ALS2: variants seen among roughly 807,000 people sequenced by gnomAD.
The protein encoded by ALS2 is alsin.
ALS2 carries 117 observed loss-of-function variants against 203.4 expected under a neutral mutation model. The observed-to-expected ratio is 0.58, with a 90% CI of 0.50 to 0.67. The LOEUF is 0.67. Among genes scored for constraint, ALS2 ranks in the 30% least tolerant of loss-of-function variants. The pLI is 0.00. For synonymous variants in ALS2, 718 were observed against 725.9 expected, an observed-to-expected ratio of 0.99 and a Z score of 0.17; for missense variants, 1,715 against 1,989.4, an observed-to-expected ratio of 0.86 and a Z score of 2.62.
At position 201,739,153 on chromosome 2, in the gene ALS2, C is replaced by T. The variant is rs940312480; in HGVS notation, c.2352-418G>A. Among the ~76,000 whole-genome samples the T allele has an allele frequency of 8.7e-5, 13 of 149,226 alleles. 1 individual carries two copies. Among genetic ancestry groups the T allele is most frequent in the African/African-American group, 3.2e-4 (13 of 40,168 alleles). ...ACTTGGGAGGCTGAGGTGGGAGGATCCCTTGAGCCTGGGAGGTTGAGGCTG... is the reference window on the plus strand; with the variant it reads ...ACTTGGGAGGCTGAGGTGGGAGGATTCCTTGAGCCTGGGAGGTTGAGGCTG... On this transcript the variant is annotated intron_variant, in intron 11 of 33. Transcript: ENST00000264276.
At chr2:201,718,257 C>T (rs1690535825) in intron 23 of ALS2, 47 bp from the exon 24 acceptor site, 7 of 1,576,202 alleles carry the variant, frequency 4.4e-6, no homozygotes, top group Non-Finnish European at 6.1e-6. Flanking sequence ...GAAATATATT[C>T]AATATTCATT....
chr2:201,724,968 C>A (rs370578904), intron 20 of ALS2, among the ~76,000 whole-genome samples: 11 of 152,048 alleles, frequency 7.2e-5, no homozygotes, highest in Non-Finnish European at 1.5e-4. Context: ...AAAAAATTAG[C>A]CGGGTGTGGT....
intron 11 of ALS2, 29 bp from the exon 12 acceptor site, chr2:201,738,764 T>C: frequency 6.4e-7 from 1 of 1,570,934 alleles, no homozygotes; most frequent in Non-Finnish European, 8.8e-7. Context: ...CACATGTACA[T>C]TAGTTGAAAT....
At chr2:201,777,751 AAAT>A (rs1694722103) in intron 1 of ALS2, among the ~76,000 whole-genome samples, 1 of 152,218 alleles carries the variant, frequency 6.6e-6, no homozygotes, top group Non-Finnish European at 1.5e-5. Context: ...ACATATCAAT[AAAT>A]AATGCATGCT....
At chr2:201,760,171 G>A in intron 4 of ALS2, 4 of 540,156 alleles carry the variant, frequency 7.4e-6, no homozygotes, top group Non-Finnish European at 9.4e-6. Context: ...AAAATCAGCA[G>A]GTGTGGTGGC....
chr2:201,707,010 C>T lies in ALS2; in HGVS notation c.4416G>A (p.Thr1472=), dbSNP rs200202953. The T allele has an allele frequency of 4.7e-4, 764 of 1,613,350 alleles. 5 individuals are homozygous for T. The highest frequency in any genetic ancestry group is 3.3e-4 in the Middle Eastern group (2 of 6,060). Residue 1472 remains threonine, a synonymous_variant, in exon 29 of 34, where the codon ACG becomes ACA. Transcript: ENST00000264276. ...GCACAGGAAGCAATAATCCAGAACT[C>T]GTTACTACATAACTACAAAATAATG... The part of the protein sequence containing the change: ...SESPEPGYVV[T]SSGLLLPVLL...
Position 201,753,230 on chromosome 2 carries a change from C to T in ALS2, c.1653G>A (p.Leu551=), listed in dbSNP as rs2106071743. The T allele has an allele frequency of 6.2e-7, 1 of 1,614,034 alleles. No homozygotes were observed. Among genetic ancestry groups the T allele is most frequent in the Non-Finnish European group, 8.5e-7 (1 of 1,179,938 alleles). ...HGDVLPRLQP[L]CVKCLDGKEV... is the part of the protein sequence containing the mutation. ...CTTTGCCATCCAGACATTTTACACA[C>T]AACGGTTGAAGCCTTAAAAAGAAAC... The change falls in exon 7 of 34, where the codon TTG becomes TTA. Residue 551 remains leucine (L), a synonymous_variant. Transcript: ENST00000264276.
chr2:201,732,084 G>C (rs1449292098), intron 13 of ALS2, among the ~76,000 whole-genome samples: 1 of 152,154 alleles, frequency 6.6e-6, no homozygotes, highest in Non-Finnish European at 1.5e-5. Context: ...GGATATTTGA[G>C]AGGTCAAACC....
chr2:201,702,938 A>G (rs1020204995), intron 33 of ALS2, among the ~76,000 whole-genome samples: 6 of 152,162 alleles, frequency 3.9e-5, no homozygotes, highest in African/African-American at 9.6e-5. Flanking sequence ...CAACCTGGTG[A>G]AACCCCATCT....
intron 23 of ALS2, 169 bp downstream of exon 23, chr2:201,722,874 T>C (rs1690896818): frequency 1.6e-6 from 1 of 607,726 alleles, no homozygotes; most frequent in Non-Finnish European, 2.9e-6. Flanking sequence ...GGAAATGTTC[T>C]GAAACTGGAT....
chr2:201,754,415 T>C, intron 6 of ALS2, 88 bp downstream of exon 6: 1 of 1,499,156 alleles, frequency 6.7e-7, no homozygotes, highest in Admixed American at 1.7e-5. Flanking sequence ...AGATTTCCTC[T>C]ATGAGGAAAG....
Position 201,749,735 on chromosome 2 carries a change from T to C in ALS2, c.1792A>G (p.Thr598Ala), listed in dbSNP as rs774675141. Residue 598 changes from threonine to alanine, a missense_variant, in exon 8 of 34, where the codon ACA becomes GCA. By Grantham distance (58) the Thr-to-Ala change is moderately conservative. Transcript: ENST00000264276. ...FGQLGHSDFPTTVPRLAKISS... is the reference protein window; with the variant it reads ...FGQLGHSDFPATVPRLAKISS... ...ACCTTTGCAAGACGAGGAACTGTTGTTGGAAAATCGGAATGCCCAAGTTGA... is the reference window on the plus strand; with the variant it reads ...ACCTTTGCAAGACGAGGAACTGTTGCTGGAAAATCGGAATGCCCAAGTTGA... 1.4e-5 allele frequency: 22 copies of C among 1,613,944 alleles called. No individual in the cohort carries two copies. The South Asian group carries it at 1.9e-4, about 14-fold the overall frequency.
At chr2:201,702,273 T>C (rs1242559152) in intron 33 of ALS2, among the ~76,000 whole-genome samples, 2 of 151,978 alleles carry the variant, frequency 1.3e-5, no homozygotes, top group Non-Finnish European at 2.9e-5. Context: ...AATATACAGA[T>C]TAAGCATCAT....
intron 29 of ALS2, among the ~76,000 whole-genome samples, chr2:201,705,963 T>C (rs889408281): frequency 7.0e-5 from 9 of 128,362 alleles, no homozygotes; most frequent in East Asian, 2.4e-4. Context: ...AAAAAAAAAA[T>C]TGAGGCTTAT....
chr2:201,702,114 G>A (rs370267410), intron 33 of ALS2, among the ~76,000 whole-genome samples: 13 of 149,128 alleles, frequency 8.7e-5, no homozygotes, highest in African/African-American at 1.7e-4. Flanking sequence ...TTCATTTCCC[G>A]TCTTATTCTA....
chr2:201,756,074 C>T lies in ALS2; in HGVS notation c.1471+1328G>A, dbSNP rs79731899. Among the ~76,000 whole-genome samples, 521 of 152,066 alleles carry T rather than the reference C, an allele frequency of 3.4e-3. 6 individuals carry two copies. The highest frequency in any genetic ancestry group is 0.011 in the African/African-American group (469 of 41,496). On this transcript the variant is annotated intron_variant, in intron 5 of 33. Coordinates refer to ENST00000264276, the MANE Select transcript of ALS2 (RefSeq NM_020919.4). The stretch of plus-strand genomic sequence containing the variant: ...GGAAAAGAGTACATGTAAAATTTTT[C>T]GAAAGATACTTTAGGTTACTAAGTA...
intron 6 of ALS2, among the ~76,000 whole-genome samples, chr2:201,753,455 C>T (rs1693191842): frequency 6.6e-6 from 1 of 152,122 alleles, no homozygotes; most frequent in South Asian, 2.1e-4. Flanking sequence ...AATTAATCCC[C>T]ATAATTTAGA....
Position 201,706,864 on chromosome 2 carries a change from C to T in ALS2, c.4562G>A (p.Gly1521Asp). The T allele has an allele frequency of 6.2e-7, 1 of 1,614,000 alleles. No homozygotes were observed. The highest frequency in any genetic ancestry group is 8.5e-7 in the Non-Finnish European group (1 of 1,179,972). ...LNKQPDIALL[G>D]FLGVQRKFWP... ...CACTTACCTCTGCACCCCAAGAAAG[C>T]CCAGGAGAGCAATATCTGGCTGCTT... Residue 1521 changes from glycine to aspartate, a missense_variant, in exon 29 of 34, where the codon GGC (glycine) becomes GAC (aspartate). This residue lies in a region of ALS2 where 1,227 missense variants were observed against 1,413.5 expected (regional missense o/e 0.87). Coordinates refer to ENST00000264276, the MANE Select transcript of ALS2 (RefSeq NM_020919.4).
At chr2:201,709,809 G>A (rs1236809055) in intron 27 of ALS2, 72 bp downstream of exon 27, 3 of 1,583,194 alleles carry the variant, frequency 1.9e-6, no homozygotes, top group Non-Finnish European at 2.6e-6. Flanking sequence ...GATGATTCAG[G>A]GTGAAACTAC....
Sources: gnomAD v4.1 joint callset for allele counts (sites outside exome capture counted in the v4.1 genomes callset) on GRCh38, gnomAD v4.1.1 for gene constraint, gnomAD v4.1.1 regional missense constraint, MANE v1.5 for transcripts, NCBI Gene and HGNC (gene_info 2026-07-23, HGNC 2026-07-21) for gene names.